Variants in MANBA observed in about 807,000 individuals in gnomAD.
The protein encoded by MANBA is beta-mannosidase.
Under a neutral mutation model 111.1 loss-of-function variants are expected in MANBA, and 83 were observed. The observed-to-expected ratio is 0.75, with a 90% CI of 0.63 to 0.90. MANBA has a LOEUF of 0.90. Among genes scored for constraint, MANBA ranks in the 40% least tolerant of loss-of-function variants. The pLI is 0.00. For missense variants in MANBA, 1,036 were observed against 1,069.0 expected (o/e 0.97, Z 0.43); for synonymous variants, 370 against 378.7 (o/e 0.98, Z 0.27).
chr4:102,755,033 T>C (rs1723955532), intron 1 of MANBA, among the ~76,000 whole-genome samples: 1 of 152,100 alleles, frequency 6.6e-6, no homozygotes, highest in Non-Finnish European at 1.5e-5. Flanking sequence ...ATCATGAAAA[T>C]GGCCATACTG....
chr4:102,731,625 TAA>T (rs1723037129), intron 1 of MANBA, among the ~76,000 whole-genome samples: 1 of 152,200 alleles, frequency 6.6e-6, no homozygotes, highest in Non-Finnish European at 1.5e-5. Flanking sequence ...TGCCCATAAA[TAA>T]AGTTTTACTA....
chr4:102,634,590 T>TC (rs1475322224), intron 16 of MANBA, among the ~76,000 whole-genome samples, 198 bp downstream of exon 16: 8 of 152,314 alleles, frequency 5.3e-5, no homozygotes, highest in Non-Finnish European at 8.8e-5. Flanking sequence ...CACCAGCAAC[T>TC]CTGACAAATC....
chr4:102,644,727 A>G (rs1730025092), intron 13 of MANBA, among the ~76,000 whole-genome samples: 1 of 152,150 alleles, frequency 6.6e-6, no homozygotes, highest in Non-Finnish European at 1.5e-5. Flanking sequence ...AATGTATTGT[A>G]TATTTGAAAA....
At chr4:102,667,550 T>C (rs960473931) in intron 10 of MANBA, 8 of 152,194 alleles carry the variant, frequency 5.3e-5, no homozygotes, top group African/African-American at 1.9e-4. Context: ...CTGCTATTAT[T>C]TGTTATTTCT....
intron 1 of MANBA, among the ~76,000 whole-genome samples, chr4:102,759,270 G>T (rs1408329244): frequency 2.0e-5 from 3 of 151,642 alleles, no homozygotes; most frequent in African/African-American, 7.3e-5. Context: ...TGAACTCCTG[G>T]ACTCAAGGGA....
Position 102,726,798 on chromosome 4 carries a change from A to G in MANBA, c.178-115T>C, listed in dbSNP as rs1578942830. 1.5e-5 allele frequency: 10 copies of G among 678,490 alleles called. No individual in the cohort carries two copies. In the East Asian group the frequency reaches 2.7e-4, roughly 19 times the overall value. 42.0% of individuals were successfully genotyped at this position (678,490 alleles called of 1,614,324 possible). Reference sequence around the variant, plus strand: ...CTATTTATCACCTAAAAATTAACGAACTTTTAGCCTAGTAGTACAAAGAGG... The same window carrying G: ...CTATTTATCACCTAAAAATTAACGAGCTTTTAGCCTAGTAGTACAAAGAGG... On this transcript the variant is annotated intron_variant, in intron 1 of 16. Coordinates refer to ENST00000647097, the MANE Select transcript of MANBA (RefSeq NM_005908.4).
intron 5 of MANBA, among the ~76,000 whole-genome samples, chr4:102,696,688 T>C (rs75731958): frequency 0.012 from 1,875 of 152,242 alleles, 11 homozygotes; most frequent in African/African-American, 0.024. Context: ...GGAAAACCTA[T>C]TCAAAGATAG....
At chr4:102,689,483 T>C (rs1732379757) in intron 7 of MANBA, 91 bp downstream of exon 7, 1 of 813,432 alleles carries the variant, frequency 1.2e-6, no homozygotes, top group Non-Finnish European at 2.0e-6. Flanking sequence ...ACAAGAGTTT[T>C]GACGGTTTCT....
chr4:102,694,466 T>A (rs1732619331), intron 5 of MANBA, among the ~76,000 whole-genome samples: 1 of 152,210 alleles, frequency 6.6e-6, no homozygotes, highest in Admixed American at 6.5e-5. Context: ...CATAATCCTA[T>A]TTGTAGTTAA....
At chr4:102,752,525 A>G in intron 1 of MANBA, 2 of 713,404 alleles carry the variant, frequency 2.8e-6, no homozygotes, top group Admixed American at 1.8e-5. Context: ...CTGCTCATGA[A>G]GACAAAGTTC....
chr4:102,744,214 T>C (rs1029973271), intron 1 of MANBA, among the ~76,000 whole-genome samples: 2 of 152,222 alleles, frequency 1.3e-5, no homozygotes, highest in Middle Eastern at 3.2e-3. Context: ...CAGCAACTTA[T>C]CCTTCACCTT....
chr4:102,715,630 ATCT>A (rs1301386546), intron 4 of MANBA, among the ~76,000 whole-genome samples: 1 of 151,906 alleles, frequency 6.6e-6, no homozygotes, highest in Non-Finnish European at 1.5e-5. Context: ...ATTTTTCCTG[ATCT>A]TCTCTCTCCT....
intron 1 of MANBA, among the ~76,000 whole-genome samples, chr4:102,743,642 C>G (rs1190647489): frequency 1.3e-5 from 2 of 152,160 alleles, no homozygotes; most frequent in Non-Finnish European, 2.9e-5. Flanking sequence ...CCTTCAGGAC[C>G]TGCTCGAGCC....
intron 10 of MANBA, chr4:102,665,544 G>A (rs1382823126): frequency 6.6e-6 from 1 of 152,212 alleles, no homozygotes; most frequent in African/African-American, 2.4e-5. Flanking sequence ...AAATATAAAA[G>A]GGAAAATTAG....
intron 7 of MANBA, among the ~76,000 whole-genome samples, chr4:102,678,312 A>T (rs1019298518): frequency 6.6e-6 from 1 of 152,136 alleles, no homozygotes; most frequent in African/African-American, 2.4e-5. Context: ...TTCTTTCACA[A>T]GTGAAAGGCT....
intron 4 of MANBA, among the ~76,000 whole-genome samples, chr4:102,718,527 T>A (rs958222125): frequency 4.6e-5 from 7 of 152,134 alleles, no homozygotes; most frequent in Non-Finnish European, 7.4e-5. Context: ...GCCAGAGATG[T>A]AAACGGAAAA....
At position 102,726,608 on chromosome 4, in the gene MANBA, TA is replaced by T. The variant is rs1722814615; in HGVS notation, c.252del (p.Phe84LeufsTer13). ...ACATACCTAATTTCAAAGGGGATTT[TA>T]AATTCTTTGCTATAGGTCCAGTTAT... Reference protein sequence around the residue: ...SLDNWTYSKEFKIPFEISKWQ... With the variant: ...SLDNWTYSKEXKIPFEISKWQ... On this transcript the variant is annotated frameshift_variant, in exon 2 of 17. Coordinates refer to ENST00000647097, the MANE Select transcript of MANBA (RefSeq NM_005908.4). LOFTEE classifies it high-confidence loss of function. 1 of 1,537,630 alleles carries T rather than the reference TA, an allele frequency of 6.5e-7. No individual in the cohort carries two copies. The highest frequency in any genetic ancestry group is 1.1e-5 in the South Asian group (1 of 88,450).
In MANBA at chr4:102,730,389, C is replaced by T. The variant is rs73836852; in HGVS notation, c.178-3706G>A. On this transcript the variant is annotated intron_variant, in intron 1 of 16. Transcript: ENST00000647097. ...GCAGGGTTTGCTTAGTGTAGCAAGTCGGCAACCTTGCTGTGGCACCTAGAT... is the reference window on the plus strand; with the variant it reads ...GCAGGGTTTGCTTAGTGTAGCAAGTTGGCAACCTTGCTGTGGCACCTAGAT... 2,208 of 489,332 alleles carry T rather than the reference C, an allele frequency of 4.5e-3. 41 individuals carry two copies. Among genetic ancestry groups the T allele is most frequent in the African/African-American group, 0.038 (1,936 of 51,012 alleles). 30.3% of individuals were successfully genotyped at this position (489,332 alleles called of 1,614,324 possible).
intron 7 of MANBA, among the ~76,000 whole-genome samples, chr4:102,684,797 C>T (rs1732137645): frequency 6.6e-6 from 1 of 152,076 alleles, no homozygotes; most frequent in Admixed American, 6.6e-5. Context: ...AGGATATGCT[C>T]AACAAAGCGA....
Sources: gnomAD v4.1 joint callset for allele counts (sites outside exome capture counted in the v4.1 genomes callset) on GRCh38, gnomAD v4.1.1 for gene constraint, MANE v1.5 for transcripts, NCBI Gene and HGNC (gene_info 2026-07-23, HGNC 2026-07-21) for gene names.